NHSL2: variants seen among roughly 807,000 people sequenced by gnomAD.
NHSL2 encodes NHS like 2.
A neutral mutation model predicts 53.4 loss-of-function variants in NHSL2; 27 were observed. The ratio of observed to expected loss-of-function variants is 0.51; its 90% CI spans 0.37 to 0.70. The LOEUF is 0.70. NHSL2 is among the 30% of genes least tolerant of loss of function. NHSL2 has a pLI of 0.00. For missense variants in NHSL2, 892 were observed against 980.1 expected (o/e 0.91, Z 1.20); for synonymous variants, 408 against 404.1 (o/e 1.01, Z -0.12).
intron 1 of NHSL2, among the ~76,000 whole-genome samples, chrX:71,932,727 G>T (rs1208230226): frequency 8.9e-6 from 1 of 111,988 alleles, no homozygotes; most frequent in Non-Finnish European, 1.9e-5. Flanking sequence ...AGGAATCATT[G>T]TTACTGAGTT....
intron 1 of NHSL2, among the ~76,000 whole-genome samples, chrX:71,989,334 G>A (rs1185168308): frequency 3.3e-5 from 2 of 59,988 alleles, no homozygotes; most frequent in African/African-American, 1.4e-4. Context: ...GGGCGACAGA[G>A]CAAGACTCCG....
At position 72,139,051 on chromosome X, in the gene NHSL2, G is replaced by GCCCACAGA; in HGVS notation, c.1505_1512dup (p.Ser505ProfsTer207). On this transcript the variant is annotated frameshift_variant, in exon 6 of 8. Transcript: ENST00000633930. LOFTEE classifies it high-confidence loss of function. ...GATTCCGGGAGCGGTCACTGTCTGT[G>GCCCACAGA]CCCACAGACTCAGGCACCACAGATG... is the stretch of plus-strand genomic sequence containing the variant. 3.4e-6 allele frequency: 4 copies of GCCCACAGA among 1,171,443 alleles called. No homozygotes were observed. Among genetic ancestry groups the GCCCACAGA allele is most frequent in the Non-Finnish European group, 4.6e-6 (4 of 875,010 alleles).
In NHSL2 at chrX:72,148,840, A is replaced by ATATGTG. The variant is rs112835653; in HGVS notation, c.*5267_*5268insATGTGT. ...GGAGAAAGAGAGAGAGAGAGAGTGT[A>ATATGTG]TGTGTGTGTGTGTGTGTGTGTGTGT... is the stretch of plus-strand genomic sequence containing the variant. On this transcript the variant is annotated 3_prime_UTR_variant, in exon 8 of 8. Coordinates refer to ENST00000633930, the MANE Select transcript of NHSL2 (RefSeq NM_001013627.3). 1 of 85,960 alleles carries ATATGTG rather than the reference A, an allele frequency of 1.2e-5. No individual in the cohort carries two copies. The highest frequency in any genetic ancestry group is 4.3e-5 in the African/African-American group (1 of 23,001). 7.1% of individuals were successfully genotyped at this position (85,960 alleles called of 1,213,427 possible).
Position 71,911,354 on chromosome X carries a change from C to G in NHSL2, c.267C>G (p.Asp89Glu), listed in dbSNP as rs960326758. The G allele has an allele frequency of 9.2e-7, 1 of 1,087,186 alleles. No individual in the cohort carries two copies. Among genetic ancestry groups the G allele is most frequent in the African/African-American group, 1.9e-5 (1 of 52,675 alleles). The allele number at this position is 1,087,186 out of a possible 1,213,427, so 89.6% of individuals were successfully genotyped here. A position where few individuals can be genotyped will look rare whatever the true frequency, so the allele number is the denominator to read the frequency against. Residue 89 changes from aspartate (D) to glutamate (E), a missense_variant, in exon 1 of 8, where the codon GAC becomes GAG. By Grantham distance (45) the Asp-to-Glu change is conservative. Coordinates refer to ENST00000633930, the MANE Select transcript of NHSL2 (RefSeq NM_001013627.3). ...LPCRLLGPEE[D>E]EEELAAANSG... ...GCCGCCTGCTTGGCCCGGAGGAGGACGAGGAAGAGCTAGGTAAAAACGGCG... is the reference window on the plus strand; with the variant it reads ...GCCGCCTGCTTGGCCCGGAGGAGGAGGAGGAAGAGCTAGGTAAAAACGGCG...
intron 2 of NHSL2, among the ~76,000 whole-genome samples, chrX:72,132,671 A>G (rs3924337): frequency 0.54 from 59,877 of 110,832 alleles, 14,995 homozygotes; most frequent in Non-Finnish European, 0.78. Context: ...TGCTCTTGCA[A>G]TAACCCCTGG....
rs1556312263 is a variant in NHSL2, at chrX:71,964,011, G to GTGTATATATATATACA, written c.280+52645_280+52646insGTATATATATATACAT. Among the ~76,000 whole-genome samples the GTGTATATATATATACA allele has an allele frequency of 2.7e-3, 33 of 12,161 alleles. 2 individuals carry two copies. The highest frequency in any genetic ancestry group is 0.013 in the Non-Finnish European group (28 of 2,229). The allele number at this position is 12,161 out of a possible 115,157, so 10.6% of individuals were successfully genotyped here. ...TATATATGTATATACATATATATAT[G>GTGTATATATATATACA]TATATATATATATGTGTATATATAT... On this transcript the variant is annotated intron_variant, in intron 1 of 7. Transcript: ENST00000633930.
chrX:71,934,713 G>A (rs995881601), intron 1 of NHSL2, among the ~76,000 whole-genome samples: 2 of 112,177 alleles, frequency 1.8e-5, no homozygotes, highest in African/African-American at 6.5e-5. Flanking sequence ...CACACAGATG[G>A]CAGTGGAGGG....
In NHSL2 at chrX:71,912,548, G is replaced by T. The variant is rs1019755142; in HGVS notation, c.280+1181G>T. ...ACCCCATCCCCACCCCTTCCAGAAG[G>T]ACTGGAGTCAGGCCCTGGCACCTCT... is the stretch of plus-strand genomic sequence containing the variant. On this transcript the variant is annotated intron_variant, in intron 1 of 7. Transcript: ENST00000633930. 3.6e-5 allele frequency among the ~76,000 whole-genome samples: 4 copies of T among 111,547 alleles called. No individual in the cohort carries two copies. In the East Asian group the frequency reaches 1.1e-3, roughly 31 times the overall value.
intron 1 of NHSL2, among the ~76,000 whole-genome samples, chrX:72,089,323 G>T (rs1318685132): frequency 9.0e-6 from 1 of 110,979 alleles, no homozygotes; most frequent in Non-Finnish European, 1.9e-5. Context: ...ATAGTTAAAT[G>T]ATTCTGTGGA....
chrX:72,139,607 C>T lies in NHSL2; in HGVS notation c.2059C>T (p.Pro687Ser), dbSNP rs2042393745. ...ACCTTCCACCTCCAGAGCCACTACA[C>T]CTTCCCAACTCTCCATTGAAGTGGA... ...ASPSTSRATT[P>S]SQLSIEVEAR... Residue 687 changes from proline (P) to serine (S), a missense_variant, in exon 6 of 8, where the codon CCT becomes TCT. By Grantham distance (74) the Pro-to-Ser change is moderately conservative. Transcript: ENST00000633930. 8.3e-7 allele frequency: 1 copy of T among 1,208,522 alleles called. No individual in the cohort carries two copies. Among genetic ancestry groups the T allele is most frequent in the Admixed American group, 2.2e-5 (1 of 45,737 alleles).
At position 72,146,228 on chromosome X, in the gene NHSL2, C is replaced by T. The variant is rs377126207; in HGVS notation, c.*2654C>T. 7 of 112,091 alleles carry T rather than the reference C, an allele frequency of 6.2e-5. No individual in the cohort carries two copies. The highest frequency in any genetic ancestry group is 9.4e-5 in the Admixed American group (1 of 10,587). The allele number at this position is 112,091 out of a possible 1,213,427, so 9.2% of individuals were successfully genotyped here. On this transcript the variant is annotated 3_prime_UTR_variant, in exon 8 of 8. Transcript: ENST00000633930. Reference sequence around the variant, plus strand: ...CATTTAATATTTTGCAACAGGTAGACGTCCCAAATAAACAACCAAACTGTA... The same window carrying T: ...CATTTAATATTTTGCAACAGGTAGATGTCCCAAATAAACAACCAAACTGTA...
At chrX:72,055,226 T>A (rs748974717) in intron 1 of NHSL2, among the ~76,000 whole-genome samples, 1 of 112,055 alleles carries the variant, frequency 8.9e-6, no homozygotes, top group African/African-American at 3.2e-5. Context: ...ACACTCAGAC[T>A]TGAGCAAAGT....
At chrX:72,057,304 C>A (rs2042375080) in intron 1 of NHSL2, among the ~76,000 whole-genome samples, 1 of 112,089 alleles carries the variant, frequency 8.9e-6, no homozygotes, top group Non-Finnish European at 1.9e-5. Flanking sequence ...CTCCCAGTTC[C>A]TCTTTAATGG....
intron 1 of NHSL2, among the ~76,000 whole-genome samples, chrX:71,992,691 C>A (rs962017305): frequency 8.9e-6 from 1 of 112,551 alleles, no homozygotes; most frequent in African/African-American, 3.2e-5. Flanking sequence ...ATGACTGCCA[C>A]TAACTTATGT....
Position 72,150,484 on chromosome X carries a change from T to C in NHSL2, c.*6910T>C, listed in dbSNP as rs1234157035. On this transcript the variant is annotated 3_prime_UTR_variant, in exon 8 of 8. Coordinates refer to ENST00000633930, the MANE Select transcript of NHSL2 (RefSeq NM_001013627.3). The stretch of plus-strand genomic sequence containing the variant: ...AAATTTTCAGACTGTTAAATGCTCA[T>C]GAGATATTTAGTTGTGTTCTAGAAA... The C allele has an allele frequency of 8.9e-6, 1 of 112,335 alleles. No homozygotes were observed. Among genetic ancestry groups the C allele is most frequent in the East Asian group, 2.8e-4 (1 of 3,593 alleles). 9.3% of individuals were successfully genotyped at this position (112,335 alleles called of 1,213,427 possible). A position where few individuals can be genotyped will look rare whatever the true frequency, so the allele number is the denominator to read the frequency against.
chrX:72,139,806 C>A lies in NHSL2; in HGVS notation c.2258C>A (p.Ser753Ter). 8.3e-7 allele frequency: 1 copy of A among 1,210,896 alleles called. No individual in the cohort carries two copies. Among genetic ancestry groups the A allele is most frequent in the South Asian group, 1.8e-5 (1 of 56,928 alleles). ...CGTCCAGTGGTACCTGAGAGGAAGT[C>A]ATCACTACCCCCGACGTCACCAATG... ...RVRPVVPERK[S>*]SLPPTSPMEK... Residue 753 changes from serine (S) to a stop codon, truncating the protein, a stop_gained, in exon 6 of 8, where the codon TCA (serine) becomes TAA (stop). Transcript: ENST00000633930. LOFTEE classifies it high-confidence loss of function.
At chrX:72,061,360 G>A (rs1464009618) in intron 1 of NHSL2, among the ~76,000 whole-genome samples, 1 of 112,397 alleles carries the variant, frequency 8.9e-6, no homozygotes, top group Non-Finnish European at 1.9e-5. Context: ...CTTACAAGCT[G>A]TGTGATCTTT....
chrX:72,137,008 G>A, intron 4 of NHSL2, 86 bp from the exon 5 acceptor site: 1 of 812,586 alleles, frequency 1.2e-6, no homozygotes, highest in South Asian at 2.6e-5. Context: ...TATCACGACT[G>A]CCATCATTCT....
rs766568989 is a variant in NHSL2 at position 72,081,571 on chromosome X, C to T, written c.281-50508C>T. 1.2e-4 allele frequency among the ~76,000 whole-genome samples: 13 copies of T among 111,687 alleles called. No individual in the cohort carries two copies. In the East Asian group the frequency reaches 3.4e-3, roughly 29 times the overall value. The stretch of plus-strand genomic sequence containing the variant: ...ACCTGGTTTGGCCTCCCTCATCTCT[C>T]TCCCTCCTATGGGGCTCCCTGCTTC... On this transcript the variant is annotated intron_variant, in intron 1 of 7. Coordinates refer to ENST00000633930, the MANE Select transcript of NHSL2 (RefSeq NM_001013627.3).
Sources: allele counts gnomAD v4.1 joint callset (sites outside exome capture counted in the v4.1 genomes callset), GRCh38; gene constraint gnomAD v4.1.1; transcripts MANE v1.5; gene names NCBI Gene and HGNC (gene_info 2026-07-23, HGNC 2026-07-21).